Variants in ATF7IP observed in about 807,000 individuals in gnomAD.
The protein encoded by ATF7IP is activating transcription factor 7-interacting protein 1.
In ATF7IP, 23 loss-of-function variants were observed where a neutral mutation model predicts 106.4. The ratio of observed to expected loss-of-function variants is 0.22; its 90% CI spans 0.16 to 0.31. The LOEUF (loss-of-function observed/expected upper bound fraction) is 0.31. ATF7IP is among the 10% of genes least tolerant of loss of function. The pLI, the probability that ATF7IP is intolerant of heterozygous loss-of-function variation, is 1.00. For synonymous variants in ATF7IP, 542 were observed against 539.0 expected (o/e 1.01, Z -0.08); for missense variants, 1,334 against 1,524.3 (o/e 0.88, Z 2.08).
chr12:14,403,504 A>G (rs1413489105), intron 1 of ATF7IP, among the ~76,000 whole-genome samples: 1 of 152,150 alleles, frequency 6.6e-6, no homozygotes, highest in Non-Finnish European at 1.5e-5. Context: ...TGCACAGTAT[A>G]TTTATTGAAT....
intron 2 of ATF7IP, among the ~76,000 whole-genome samples, chr12:14,430,578 A>G (rs928091435): frequency 6.6e-6 from 1 of 152,126 alleles, no homozygotes. Flanking sequence ...TTAGGTTGAG[A>G]ATCTTTATAT....
At chr12:14,463,775 A>C (rs571017288) in intron 9 of ATF7IP, among the ~76,000 whole-genome samples, 1 of 152,344 alleles carries the variant, frequency 6.6e-6, no homozygotes, top group South Asian at 2.1e-4. Flanking sequence ...AGATGGTGGT[A>C]TGAAAAAGAT....
intron 12 of ATF7IP, among the ~76,000 whole-genome samples, chr12:14,479,842 TAGGC>T (rs1944379684): frequency 6.6e-6 from 1 of 152,174 alleles, no homozygotes; most frequent in Admixed American, 6.5e-5. Context: ...TCTATCTAAA[TAGGC>T]AGTTATAAGT....
chr12:14,454,787 C>A (rs7298685), intron 6 of ATF7IP, among the ~76,000 whole-genome samples: 66,135 of 152,014 alleles, frequency 0.44, 14,537 homozygotes, highest in Admixed American at 0.52. Flanking sequence ...CATCAAATGA[C>A]TCCTGTGTTC....
intron 9 of ATF7IP, among the ~76,000 whole-genome samples, chr12:14,462,860 A>G (rs1484090129): frequency 2.6e-5 from 4 of 151,946 alleles, no homozygotes; most frequent in Non-Finnish European, 2.9e-5. Flanking sequence ...TATTTTTAAT[A>G]TGTAATTATA....
chr12:14,447,162 C>G (rs1286951197), intron 6 of ATF7IP, 109 bp downstream of exon 6: 9 of 724,084 alleles, frequency 1.2e-5, no homozygotes, highest in Non-Finnish European at 1.8e-5. Flanking sequence ...TGCTTTCATA[C>G]TGTGTACTCC....
chr12:14,485,360 C>T lies in ATF7IP; in HGVS notation c.3280+4175C>T, dbSNP rs535176469. 2.0e-5 allele frequency among the ~76,000 whole-genome samples: 3 copies of T among 152,050 alleles called. No individual in the cohort carries two copies. The South Asian group carries it at 6.2e-4, about 32-fold the overall frequency. On this transcript the variant is annotated intron_variant, in intron 13 of 14. Transcript: ENST00000261168. ...GGAAGGGCCAGATGCAGCAACTAGT[C>T]TTTCACCTTAGAAGGCCCCACACCA...
At position 14,424,952 on chromosome 12, in the gene ATF7IP, A is replaced by G. The variant is rs776490455; in HGVS notation, c.1037A>G (p.Asp346Gly). The G allele has an allele frequency of 1.9e-6, 3 of 1,607,138 alleles. No individual in the cohort carries two copies. Among genetic ancestry groups the G allele is most frequent in the Non-Finnish European group, 2.5e-6 (3 of 1,178,360 alleles). Reference sequence around the variant, plus strand: ...AAAAATAAAGCTGATAATAATATTGATGCTAATGAAGAAACTCTAGAAACA... The same window carrying G: ...AAAAATAAAGCTGATAATAATATTGGTGCTAATGAAGAAACTCTAGAAACA... ...DEKNKADNNI[D>G]ANEETLETDD... The change falls in exon 2 of 15, where the codon GAT (aspartate) becomes GGT (glycine). Residue 346 changes from aspartate to glycine, a missense_variant. By Grantham distance (94) the Asp-to-Gly change is moderately conservative. Transcript: ENST00000261168.
intron 5 of ATF7IP, among the ~76,000 whole-genome samples, chr12:14,440,377 T>C (rs1318847967): frequency 6.6e-6 from 1 of 152,188 alleles, no homozygotes; most frequent in Non-Finnish European, 1.5e-5. Flanking sequence ...AGTTCCTCAA[T>C]TGTGTACCGG....
intron 3 of ATF7IP, among the ~76,000 whole-genome samples, chr12:14,434,810 A>T (rs1942321680): frequency 6.6e-6 from 1 of 152,160 alleles, no homozygotes. Context: ...ATGGGGCCAG[A>T]TGTAGTGGCT....
Position 14,424,052 on chromosome 12 carries a change from G to T in ATF7IP, c.137G>T (p.Gly46Val). 6.2e-7 allele frequency: 1 copy of T among 1,614,090 alleles called. No homozygotes were observed. ...LLKTDVKLLN[G>V]NHENGDLDPT... is the part of the protein sequence containing the mutation. ...AAAACTGATGTCAAGCTGTTAAATG[G>T]CAACCATGAAAATGGAGATTTGGAC... Residue 46 changes from glycine to valine, a missense_variant, in exon 2 of 15, where the codon GGC (glycine) becomes GTC (valine). Around this residue, in one of 10 missense-constraint regions of ATF7IP, gnomAD observed 74 missense variants for 101.9 expected, o/e 0.73. Transcript: ENST00000261168.
At chr12:14,447,700 C>G (rs1378764865) in intron 6 of ATF7IP, among the ~76,000 whole-genome samples, 1 of 152,126 alleles carries the variant, frequency 6.6e-6, no homozygotes, top group Non-Finnish European at 1.5e-5. Context: ...AGTATGGTCT[C>G]TTACTATTTT....
chr12:14,435,642 G>T (rs1186722364), intron 3 of ATF7IP, among the ~76,000 whole-genome samples: 1 of 152,072 alleles, frequency 6.6e-6, no homozygotes, highest in Non-Finnish European at 1.5e-5. Flanking sequence ...TGCTAGTTTT[G>T]TAAGGCTGAT....
intron 1 of ATF7IP, among the ~76,000 whole-genome samples, chr12:14,382,487 A>G (rs974634262): frequency 6.6e-6 from 1 of 152,324 alleles, no homozygotes; most frequent in Non-Finnish European, 1.5e-5. Context: ...ATAAGCACAT[A>G]GTAGTTCCCA....
chr12:14,413,493 AT>A (rs1346943576), intron 1 of ATF7IP, among the ~76,000 whole-genome samples: 3 of 152,168 alleles, frequency 2.0e-5, no homozygotes, highest in African/African-American at 7.2e-5. Context: ...CAAAACTTAA[AT>A]GATGAAATGC....
At chr12:14,412,335 G>T (rs1751642285) in intron 1 of ATF7IP, among the ~76,000 whole-genome samples, 1 of 152,168 alleles carries the variant, frequency 6.6e-6, no homozygotes, top group African/African-American at 2.4e-5. Flanking sequence ...CTAGGATTTT[G>T]ATAGAGATTG....
chr12:14,379,394 A>G (rs1361936242), intron 1 of ATF7IP, among the ~76,000 whole-genome samples: 2 of 152,190 alleles, frequency 1.3e-5, no homozygotes, highest in Non-Finnish European at 2.9e-5. Context: ...ACTTCTTAAT[A>G]AATTACCCAT....
In ATF7IP at chr12:14,424,387, G is replaced by A. The variant is rs1565498458; in HGVS notation, c.472G>A (p.Asp158Asn). 3 of 1,613,930 alleles carry A rather than the reference G, an allele frequency of 1.9e-6. No homozygotes were observed. The highest frequency in any genetic ancestry group is 1.3e-5 in the African/African-American group (1 of 75,008). The change falls in exon 2 of 15, where the codon GAT (aspartate) becomes AAT (asparagine). Residue 158 changes from aspartate to asparagine, a missense_variant. Around this residue, in one of 10 missense-constraint regions of ATF7IP, gnomAD observed 438 missense variants for 405.3 expected, o/e 1.08. Transcript: ENST00000261168. Reference sequence around the variant, plus strand: ...GGCCTCTGGTGATTCCACCTCTGGTGATCCCACCTCTAGCGAGCCCTCCTC... The same window carrying A: ...GGCCTCTGGTGATTCCACCTCTGGTAATCCCACCTCTAGCGAGCCCTCCTC... ...VLASGDSTSG[D>N]PTSSEPSSSD...
chr12:14,416,907 TTATA>T, intron 1 of ATF7IP: 2 of 985,026 alleles, frequency 2.0e-6, no homozygotes, highest in Non-Finnish European at 2.4e-6. Flanking sequence ...TGTGGGGAGA[TTATA>T]TAAACTAAGA....
Sources: gnomAD v4.1 joint callset for allele counts (sites outside exome capture counted in the v4.1 genomes callset) on GRCh38, gnomAD v4.1.1 for gene constraint, gnomAD v4.1.1 regional missense constraint, MANE v1.5 for transcripts, NCBI Gene and HGNC (gene_info 2026-07-23, HGNC 2026-07-21) for gene names.